Variants in ADAMTS2 observed in about 807,000 individuals in gnomAD.
The protein encoded by ADAMTS2 is ADAM metallopeptidase with thrombospondin type 1 motif 2.
Under a neutral mutation model 123.0 loss-of-function variants are expected in ADAMTS2, and 50 were observed. The ratio of observed to expected loss-of-function variants is 0.41; its 90% CI spans 0.32 to 0.51. The LOEUF is 0.51. ADAMTS2 is among the 20% of genes least tolerant of loss of function. The pLI is 0.35. For missense variants in ADAMTS2, 1,494 were observed against 1,705.2 expected, an observed-to-expected ratio of 0.88 and a Z score of 2.18; for synonymous variants, 678 against 695.4, an observed-to-expected ratio of 0.98 and a Z score of 0.39.
intron 2 of ADAMTS2, among the ~76,000 whole-genome samples, chr5:179,275,597 G>A (rs56832700): frequency 0.015 from 2,240 of 152,298 alleles, 111 homozygotes; most frequent in Admixed American, 0.098. Context: ...ACGAGGCCAT[G>A]GGCAGACAGG....
chr5:179,208,967 T>C (rs1393720997), intron 3 of ADAMTS2, among the ~76,000 whole-genome samples: 9 of 152,152 alleles, frequency 5.9e-5, no homozygotes, highest in Admixed American at 5.9e-4. Context: ...ACCACCTCTC[T>C]ACAAAGAGTC....
chr5:179,300,235 T>A (rs6898948), intron 2 of ADAMTS2, among the ~76,000 whole-genome samples: 2,138 of 152,292 alleles, frequency 0.014, 59 homozygotes, highest in African/African-American at 0.049. Flanking sequence ...CCTGATTTAT[T>A]CCCAGGTTCT....
At chr5:179,294,583 C>T (rs1423759431) in intron 2 of ADAMTS2, among the ~76,000 whole-genome samples, 1 of 152,198 alleles carries the variant, frequency 6.6e-6, no homozygotes, top group African/African-American at 2.4e-5. Context: ...GGAGATTGGG[C>T]ACCCACAGAC....
At chr5:179,341,714 CAAAAAAA>C (rs36096225) in intron 2 of ADAMTS2, among the ~76,000 whole-genome samples, 2 of 65,116 alleles carry the variant, frequency 3.1e-5, no homozygotes, top group African/African-American at 6.6e-5. Flanking sequence ...GACTCCGTCT[CAAAAAAA>C]AAAAAAAAAA....
At chr5:179,143,683 C>G (rs1353231667) in intron 10 of ADAMTS2, among the ~76,000 whole-genome samples, 1 of 152,048 alleles carries the variant, frequency 6.6e-6, no homozygotes, top group South Asian at 2.1e-4. Context: ...TTTGCCCTTT[C>G]GTCCCTGCTG....
chr5:179,243,777 G>A (rs1458147624), intron 3 of ADAMTS2, among the ~76,000 whole-genome samples: 1 of 152,186 alleles, frequency 6.6e-6, no homozygotes, highest in Non-Finnish European at 1.5e-5. Context: ...TTGAAAAAAG[G>A]AAACCATGCT....
intron 4 of ADAMTS2, among the ~76,000 whole-genome samples, chr5:179,206,086 C>T (rs372192801): frequency 2.0e-5 from 3 of 152,146 alleles, no homozygotes; most frequent in East Asian, 1.9e-4. Flanking sequence ...ATTAAAGGTA[C>T]GTTTCAAAAA....
At chr5:179,290,483 C>T (rs1481052388) in intron 2 of ADAMTS2, among the ~76,000 whole-genome samples, 1 of 152,154 alleles carries the variant, frequency 6.6e-6, no homozygotes, top group Non-Finnish European at 1.5e-5. Context: ...TAGACTAAAA[C>T]TAAGACACTA....
intron 2 of ADAMTS2, among the ~76,000 whole-genome samples, chr5:179,298,780 A>G (rs1478149188): frequency 6.6e-6 from 1 of 152,188 alleles, no homozygotes; most frequent in Non-Finnish European, 1.5e-5. Flanking sequence ...TGCAGATATA[A>G]ATGCTGACAA....
In ADAMTS2 at chr5:179,309,323, C is replaced by A. The variant is rs144282042; in HGVS notation, c.534+34444G>T. Among the ~76,000 whole-genome samples the A allele has an allele frequency of 4.6e-5, 7 of 152,316 alleles. No individual in the cohort carries two copies. The East Asian group carries it at 1.4e-3, about 29-fold the overall frequency. Reference sequence around the variant, plus strand: ...CTGGAGAAAGGCCACCTCTTCGGGACCCAGGTCACAGGATGTCCCCCCAAA... The same window carrying A: ...CTGGAGAAAGGCCACCTCTTCGGGAACCAGGTCACAGGATGTCCCCCCAAA... On this transcript the variant is annotated intron_variant, in intron 2 of 21. Coordinates refer to ENST00000251582, the MANE Select transcript of ADAMTS2 (RefSeq NM_014244.5).
chr5:179,203,485 A>G (rs1764611519), intron 4 of ADAMTS2, among the ~76,000 whole-genome samples: 1 of 152,206 alleles, frequency 6.6e-6, no homozygotes, highest in African/African-American at 2.4e-5. Flanking sequence ...GAGGAGTGTG[A>G]CAAGCCACTG....
In ADAMTS2 at chr5:179,188,754, C is replaced by T. The variant is rs1310720125; in HGVS notation, c.892-7599G>A. ...TCAGGCGACGTCTCCTGTGCCTGTC[C>T]ACACTCTGCTGATACCTCTGCAGAT... On this transcript the variant is annotated intron_variant, in intron 4 of 21. Transcript: ENST00000251582. This position sits in a 1 kb window ranked among gnomAD's most constrained non-coding sequence, Gnocchi z 5.1. Among the ~76,000 whole-genome samples, 1 of 152,132 alleles carries T rather than the reference C, an allele frequency of 6.6e-6. No homozygotes were observed. Among genetic ancestry groups the T allele is most frequent in the African/African-American group, 2.4e-5 (1 of 41,412 alleles).
intron 3 of ADAMTS2, among the ~76,000 whole-genome samples, chr5:179,223,659 C>T (rs562586297): frequency 1.3e-3 from 199 of 149,162 alleles, no homozygotes; most frequent in South Asian, 3.0e-3. Context: ...CACTCACAGA[C>T]GCACACTCAC....
chr5:179,284,430 G>A (rs1252050361), intron 2 of ADAMTS2, among the ~76,000 whole-genome samples: 1 of 152,046 alleles, frequency 6.6e-6, no homozygotes, highest in Non-Finnish European at 1.5e-5. Flanking sequence ...CACCCAGGCT[G>A]GAGTGGAGTA....
chr5:179,244,933 G>T (rs1042437162), intron 3 of ADAMTS2, among the ~76,000 whole-genome samples: 1 of 152,186 alleles, frequency 6.6e-6, no homozygotes, highest in African/African-American at 2.4e-5. Flanking sequence ...CAATTGTTAG[G>T]TTTGTAGCAT....
At chr5:179,342,170 C>A (rs1757793406) in intron 2 of ADAMTS2, among the ~76,000 whole-genome samples, 1 of 152,186 alleles carries the variant, frequency 6.6e-6, no homozygotes. Flanking sequence ...ATGAATGAAA[C>A]AGTGACAAGT....
intron 2 of ADAMTS2, among the ~76,000 whole-genome samples, chr5:179,306,608 C>T (rs1756679886): frequency 6.6e-6 from 1 of 152,164 alleles, no homozygotes; most frequent in African/African-American, 2.4e-5. Flanking sequence ...ACACCCAGCA[C>T]CCAGCACAGA....
At chr5:179,326,181 A>G (rs555429533) in intron 2 of ADAMTS2, among the ~76,000 whole-genome samples, 17 of 149,468 alleles carry the variant, frequency 1.1e-4, no homozygotes, top group African/African-American at 4.2e-4. Flanking sequence ...GATTTGGTGG[A>G]GAAATGGCGT....
intron 2 of ADAMTS2, among the ~76,000 whole-genome samples, chr5:179,302,007 C>T (rs528626852): frequency 9.8e-5 from 15 of 152,298 alleles, no homozygotes; most frequent in East Asian, 1.9e-4. Flanking sequence ...CCCCAGGCTC[C>T]GGGACTCCCT....
Sources: allele counts gnomAD v4.1 joint callset (sites outside exome capture counted in the v4.1 genomes callset), GRCh38; gene constraint gnomAD v4.1.1; non-coding constraint Gnocchi (gnomAD v3.1); transcripts MANE v1.5; gene names NCBI Gene and HGNC (gene_info 2026-07-23, HGNC 2026-07-21).